Variants in KCNMB2 observed in about 807,000 individuals in gnomAD.
KCNMB2 encodes the protein calcium-activated potassium channel subunit beta-2.
KCNMB2 carries 9 observed loss-of-function variants against 24.5 expected under a neutral mutation model. The ratio of observed to expected loss-of-function variants is 0.37; its 90% CI spans 0.22 to 0.64. The LOEUF is 0.64. Among genes scored for constraint, KCNMB2 ranks in the 30% least tolerant of loss-of-function variants. The pLI, the probability that KCNMB2 is intolerant of heterozygous loss-of-function variation, is 0.63. For synonymous variants in KCNMB2, 109 were observed against 104.4 expected (o/e 1.04, Z -0.27); for missense variants, 226 against 284.3 (o/e 0.79, Z 1.47).
In KCNMB2 at chr3:178,762,170, C is replaced by CA. The variant is rs564304109; in HGVS notation, c.-67-45164dup. 2.1e-3 allele frequency among the ~76,000 whole-genome samples: 309 copies of CA among 149,434 alleles called. 2 individuals carry two copies. The highest frequency in any genetic ancestry group is 0.014 in the South Asian group (64 of 4,712). On this transcript the variant is annotated intron_variant, in intron 1 of 4. Transcript: ENST00000452583. ...TGGGCGACAGAGCGAGACTCCGTCT[C>CA]AAAAAAAAACCAAAAACCAAGAACA...
intron 4 of KCNMB2, chr3:178,841,649 G>A (rs1043397998): frequency 5.3e-5 from 8 of 152,182 alleles, no homozygotes; most frequent in African/African-American, 1.4e-4. Flanking sequence ...GAGAGAACAT[G>A]AGAGAAGAAC....
intron 1 of KCNMB2, among the ~76,000 whole-genome samples, chr3:178,747,873 C>T (rs1161750049): frequency 2.6e-5 from 4 of 152,194 alleles, no homozygotes; most frequent in Non-Finnish European, 5.9e-5. Context: ...GACAGGTGTT[C>T]ACCCTGAACC....
chr3:178,597,421 G>T (rs781482418), intron 1 of KCNMB2, among the ~76,000 whole-genome samples: 5 of 152,086 alleles, frequency 3.3e-5, no homozygotes, highest in African/African-American at 7.2e-5. Flanking sequence ...GAAAAGTAAA[G>T]CTCACTTATA....
intron 2 of KCNMB2, among the ~76,000 whole-genome samples, chr3:178,807,907 A>G (rs2108452685): frequency 6.6e-6 from 1 of 151,622 alleles, no homozygotes; most frequent in East Asian, 1.9e-4. Context: ...ACAACAAAAA[A>G]TAATAAAAAT....
intron 1 of KCNMB2, among the ~76,000 whole-genome samples, chr3:178,605,951 A>G (rs528312874): frequency 3.3e-4 from 51 of 152,328 alleles, no homozygotes; most frequent in African/African-American, 1.1e-3. Flanking sequence ...TCCATATTGC[A>G]AAAATTGAGA....
Position 178,816,174 on chromosome 3 carries a change from A to G in KCNMB2, c.56+8709A>G, listed in dbSNP as rs1033348425. On this transcript the variant is annotated intron_variant, in intron 2 of 4. Coordinates refer to ENST00000452583, the MANE Select transcript of KCNMB2 (RefSeq NM_181361.3). ...TGATTCAAATTTTTAATGATTTATAAGTATTTGAGTTTTCTATTTATTTCT... is the reference window on the plus strand; with the variant it reads ...TGATTCAAATTTTTAATGATTTATAGGTATTTGAGTTTTCTATTTATTTCT... 1.5e-4 allele frequency among the ~76,000 whole-genome samples: 23 copies of G among 152,006 alleles called. No homozygotes were observed. The East Asian group carries it at 2.7e-3, about 18-fold the overall frequency.
At chr3:178,707,928 A>C (rs1474683469) in intron 1 of KCNMB2, among the ~76,000 whole-genome samples, 1 of 152,120 alleles carries the variant, frequency 6.6e-6, no homozygotes, top group African/African-American at 2.4e-5. Flanking sequence ...TCAAACTTTA[A>C]CCAATCGAAT....
intron 1 of KCNMB2, among the ~76,000 whole-genome samples, chr3:178,643,006 C>A (rs1177372059): frequency 3.9e-5 from 6 of 152,206 alleles, no homozygotes; most frequent in Admixed American, 1.3e-4. Flanking sequence ...ATAGCTGACA[C>A]TGAGCTCCAG....
intron 1 of KCNMB2, among the ~76,000 whole-genome samples, chr3:178,612,361 A>G (rs1018921878): frequency 6.6e-6 from 1 of 152,116 alleles, no homozygotes; most frequent in Admixed American, 6.5e-5. Context: ...GTCCCCAGCT[A>G]TTATTATATT....
chr3:178,568,743 T>TGATA (rs750923547), intron 1 of KCNMB2, among the ~76,000 whole-genome samples: 2 of 144,284 alleles, frequency 1.4e-5, no homozygotes, highest in Non-Finnish European at 3.1e-5. Flanking sequence ...ATCTTTAAGA[T>TGATA]GATAGATAGA....
intron 1 of KCNMB2, among the ~76,000 whole-genome samples, chr3:178,541,876 G>C (rs1715630103): frequency 2.0e-5 from 3 of 152,098 alleles, no homozygotes; most frequent in Admixed American, 2.0e-4. Context: ...ACTACACCCT[G>C]ACTCAGTCCG....
At chr3:178,566,909 G>A (rs1281865795) in intron 1 of KCNMB2, among the ~76,000 whole-genome samples, 1 of 152,210 alleles carries the variant, frequency 6.6e-6, no homozygotes, top group Non-Finnish European at 1.5e-5. Flanking sequence ...ACACATTGAT[G>A]TTGGCATAAT....
intron 1 of KCNMB2, among the ~76,000 whole-genome samples, chr3:178,786,927 G>T (rs546552041): frequency 2.2e-4 from 34 of 151,914 alleles, no homozygotes; most frequent in Middle Eastern, 3.4e-3. Flanking sequence ...TGCAGGAACA[G>T]ACCTCGATTT....
chr3:178,814,025 G>T (rs927858184), intron 2 of KCNMB2, among the ~76,000 whole-genome samples: 1 of 151,990 alleles, frequency 6.6e-6, no homozygotes, highest in Non-Finnish European at 1.5e-5. Flanking sequence ...GACTCAGGAG[G>T]TACATGTGCA....
Position 178,565,567 on chromosome 3 carries a change from C to T in KCNMB2, c.-68+28856C>T, listed in dbSNP as rs114657580. Among the ~76,000 whole-genome samples, 289 of 152,314 alleles carry T rather than the reference C, an allele frequency of 1.9e-3. 1 individual carries two copies. The highest frequency in any genetic ancestry group is 3.2e-3 in the Non-Finnish European group (216 of 68,026). ...GTATCTCTAGATATGAAGATGGATA[C>T]AAAGAAAGTGTTGTGTCACATGAGT... On this transcript the variant is annotated intron_variant, in intron 1 of 4. Coordinates refer to ENST00000452583, the MANE Select transcript of KCNMB2 (RefSeq NM_181361.3).
At chr3:178,705,272 C>A (rs1722240345) in intron 1 of KCNMB2, among the ~76,000 whole-genome samples, 1 of 152,172 alleles carries the variant, frequency 6.6e-6, no homozygotes, top group South Asian at 2.1e-4. Flanking sequence ...ATTCCCTGGA[C>A]AATTTTCTAG....
At chr3:178,545,558 T>A (rs945627692) in intron 1 of KCNMB2, among the ~76,000 whole-genome samples, 2 of 152,218 alleles carry the variant, frequency 1.3e-5, no homozygotes, top group African/African-American at 4.8e-5. Context: ...CCGGACATGC[T>A]GCATAAGGCA....
At chr3:178,813,603 C>T (rs563439663) in intron 2 of KCNMB2, among the ~76,000 whole-genome samples, 3 of 152,118 alleles carry the variant, frequency 2.0e-5, no homozygotes, top group African/African-American at 7.2e-5. Context: ...GGTTTTTTCT[C>T]ATGTGTTACA....
chr3:178,721,212 C>A (rs1722794113), intron 1 of KCNMB2, among the ~76,000 whole-genome samples: 1 of 152,190 alleles, frequency 6.6e-6, no homozygotes, highest in South Asian at 2.1e-4. Context: ...GTTTTCCCAG[C>A]ACCATTTATT....
Sources: gnomAD v4.1 joint callset for allele counts (sites outside exome capture counted in the v4.1 genomes callset) on GRCh38, gnomAD v4.1.1 for gene constraint, MANE v1.5 for transcripts, NCBI Gene and HGNC (gene_info 2026-07-23, HGNC 2026-07-21) for gene names.